Variants in SLCO1A2 observed in about 807,000 individuals in gnomAD.
SLCO1A2 encodes the protein OATP-1.
Under a neutral mutation model 69.0 loss-of-function variants are expected in SLCO1A2, and 67 were observed. The observed-to-expected ratio is 0.97, with a 90% CI of 0.80 to 1.19. The LOEUF is 1.19. Among genes scored for constraint, SLCO1A2 ranks in the 50% most tolerant of loss-of-function variants. The probability of loss-of-function intolerance (pLI) is 0.00; values close to 1 mark genes in which losing one functional copy is unlikely to be tolerated. For missense variants in SLCO1A2, 787 were observed against 793.7 expected (o/e 0.99, Z 0.10); for synonymous variants, 260 against 265.9 (o/e 0.98, Z 0.22).
At chr12:21,310,043 A>G (rs1199048300) in intron 4 of SLCO1A2, among the ~76,000 whole-genome samples, 1 of 152,248 alleles carries the variant, frequency 6.6e-6, no homozygotes, top group Non-Finnish European at 1.5e-5. Context: ...ATCTAGGGAA[A>G]ATAAAAAGTT....
At chr12:21,390,778 G>A (rs573246545) in intron 1 of SLCO1A2, among the ~76,000 whole-genome samples, 8 of 152,200 alleles carry the variant, frequency 5.3e-5, no homozygotes, top group African/African-American at 1.4e-4. Flanking sequence ...ATCCTAAAAA[G>A]ATTAGATATC....
chr12:21,380,723 C>T (rs539874071), intron 1 of SLCO1A2, among the ~76,000 whole-genome samples: 22 of 152,184 alleles, frequency 1.4e-4, no homozygotes, highest in Admixed American at 6.5e-4. Context: ...TTGGTGACTA[C>T]GTTTATCTTA....
intron 8 of SLCO1A2, 125 bp from the exon 9 acceptor site, chr12:21,297,693 G>A: frequency 1.6e-6 from 1 of 643,002 alleles, no homozygotes. Context: ...TGTATTGTTT[G>A]CTAATTCTTT....
chr12:21,301,197 T>G lies in SLCO1A2; in HGVS notation c.662A>C (p.Tyr221Ser), dbSNP rs1411039583. Residue 221 changes from tyrosine to serine, a missense_variant, in exon 7 of 15, where the codon TAT (tyrosine) becomes TCT (serine). Physicochemically the swap from Tyr to Ser is moderately radical, Grantham distance 144. Coordinates refer to ENST00000683939, the MANE Select transcript of SLCO1A2 (RefSeq NM_001386879.1). Reference sequence around the variant, plus strand: ...TGTGTTCACAAATCCAGTGTCAACATAAACATTTGCACAGAATGATGCCAA... The same window carrying G: ...TGTGTTCACAAATCCAGTGTCAACAGAAACATTTGCACAGAATGATGCCAA... ...LLLASFCANV[Y>S]VDTGFVNTDD... 6.2e-7 allele frequency: 1 copy of G among 1,612,344 alleles called. No homozygotes were observed. The highest frequency in any genetic ancestry group is 1.1e-5 in the South Asian group (1 of 90,974).
rs535196344 is a variant in SLCO1A2, at chr12:21,414,445, T to A, written c.-312+3437A>T. Among the ~76,000 whole-genome samples the A allele has an allele frequency of 4.6e-5, 7 of 152,294 alleles. No homozygotes were observed. The East Asian group carries it at 5.8e-4, about 13-fold the overall frequency. ...CTGTGAGTTATTTACTAATTTTTTT[T>A]AATTTCCAAATATGTGGAATTTCGT... On this transcript the variant is annotated intron_variant, in intron 1 of 4. Coordinates refer to the SLCO1A2 transcript ENST00000413682.
At chr12:21,280,207 A>G (rs1057342116) in intron 12 of SLCO1A2, among the ~76,000 whole-genome samples, 2 of 152,178 alleles carry the variant, frequency 1.3e-5, no homozygotes, top group Non-Finnish European at 2.9e-5. Flanking sequence ...AACAAATAAC[A>G]AAATGGCAGC....
chr12:21,347,680 G>GGAAGGAAGGAAGGAAA (rs1953313647), intron 2 of SLCO1A2, among the ~76,000 whole-genome samples: 1 of 140,494 alleles, frequency 7.1e-6, no homozygotes, highest in Admixed American at 7.0e-5. Flanking sequence ...AAGGAAGGAA[G>GGAAGGAAGGAAGGAAA]GAAGGAAGGA....
chr12:21,321,242 C>T (rs751740112), intron 2 of SLCO1A2, among the ~76,000 whole-genome samples: 1 of 152,190 alleles, frequency 6.6e-6, no homozygotes, highest in Non-Finnish European at 1.5e-5. Flanking sequence ...CTTTGGTCAA[C>T]CCTTTCAGGC....
intron 4 of SLCO1A2, among the ~76,000 whole-genome samples, chr12:21,310,009 A>G (rs186914632): frequency 1.3e-3 from 198 of 152,358 alleles, no homozygotes; most frequent in African/African-American, 4.6e-3. Context: ...AGCTAACCAT[A>G]TGATATAACG....
At chr12:21,346,080 T>C (rs1953242470) in intron 2 of SLCO1A2, among the ~76,000 whole-genome samples, 1 of 151,938 alleles carries the variant, frequency 6.6e-6, no homozygotes, top group Non-Finnish European at 1.5e-5. Context: ...AACACTACAA[T>C]TAGGAAGAAT....
rs1012530320 is a variant in SLCO1A2, at chr12:21,319,070, G to C, written c.61-147C>G. 120 of 709,734 alleles carry C rather than the reference G, an allele frequency of 1.7e-4. 1 individual carries two copies. The East Asian group carries it at 3.2e-3, about 19-fold the overall frequency. The allele number at this position is 709,734 out of a possible 1,614,324, so 44.0% of individuals were successfully genotyped here. A position where few individuals can be genotyped will look rare whatever the true frequency, so the allele number is the denominator to read the frequency against. ...TGCAAGAAACTGTAAAGTGTAGTCT[G>C]CTCCTTTTGTCTGTCATACTGTGAT... On this transcript the variant is annotated intron_variant, in intron 2 of 14. Transcript: ENST00000683939.
At position 21,416,356 on chromosome 12, in the gene SLCO1A2, GCACA is replaced by G. The variant is rs3061424; in HGVS notation, c.-312+1522_-312+1525del. On this transcript the variant is annotated intron_variant, in intron 1 of 4. Coordinates refer to the SLCO1A2 transcript ENST00000413682. ...ATGAAGATTCACTATAGAATCTCGG[GCACA>G]CACACACACACACACACACACACAC... Among the ~76,000 whole-genome samples the G allele has an allele frequency of 3.3e-3, 491 of 146,976 alleles. 2 individuals carry two copies. The highest frequency in any genetic ancestry group is 6.2e-3 in the Admixed American group (91 of 14,688).
intron 10 of SLCO1A2, 24 bp from the exon 11 acceptor site, chr12:21,294,134 A>G (rs1368765061): frequency 2.0e-6 from 3 of 1,517,048 alleles, no homozygotes; most frequent in Non-Finnish European, 2.7e-6. Context: ...AAATAATGCC[A>G]TAGATATTAA....
intron 1 of SLCO1A2, among the ~76,000 whole-genome samples, chr12:21,404,478 CAT>C (rs910469925): frequency 2.0e-5 from 3 of 152,108 alleles, no homozygotes; most frequent in African/African-American, 4.8e-5. Flanking sequence ...TAGTGAGAAA[CAT>C]GTGGTGTTTA....
intron 4 of SLCO1A2, among the ~76,000 whole-genome samples, 197 bp downstream of exon 4, chr12:21,314,352 T>C (rs561508032): frequency 6.3e-4 from 96 of 152,248 alleles, no homozygotes; most frequent in South Asian, 1.7e-3. Flanking sequence ...ATTGTGTAAA[T>C]TGACAAAACT....
chr12:21,325,017 G>A (rs1952102668), intron 2 of SLCO1A2, among the ~76,000 whole-genome samples: 1 of 152,156 alleles, frequency 6.6e-6, no homozygotes, highest in Non-Finnish European at 1.5e-5. Flanking sequence ...GGCAGTAAAT[G>A]TCCCTCAACT....
At chr12:21,383,236 C>CT (rs964131302) in intron 1 of SLCO1A2, among the ~76,000 whole-genome samples, 30 of 152,146 alleles carry the variant, frequency 2.0e-4, no homozygotes, top group Non-Finnish European at 3.2e-4. Flanking sequence ...GGTAGCACAT[C>CT]TTTTTTTTCT....
intron 14 of SLCO1A2, among the ~76,000 whole-genome samples, chr12:21,273,087 A>ACCCT (rs1943163299): frequency 6.6e-6 from 1 of 152,130 alleles, no homozygotes; most frequent in South Asian, 2.1e-4. Flanking sequence ...GATTTTCCTT[A>ACCCT]CCCTCCAAGT....
chr12:21,319,534 T>A, intron 2 of SLCO1A2: 2 of 1,217,386 alleles, frequency 1.6e-6, no homozygotes, highest in Non-Finnish European at 2.2e-6. Context: ...CCCAGTTGTG[T>A]CTAAGGCATA....
Sources: allele counts gnomAD v4.1 joint callset (sites outside exome capture counted in the v4.1 genomes callset), GRCh38; gene constraint gnomAD v4.1.1; transcripts MANE v1.5; gene names NCBI Gene and HGNC (gene_info 2026-07-23, HGNC 2026-07-21).